Variants in ATP6V1H observed in about 807,000 individuals in gnomAD.
ATP6V1H encodes V-type proton ATPase subunit H.
In ATP6V1H, 39 loss-of-function variants were observed where a neutral mutation model predicts 71.7. The ratio of observed to expected loss-of-function variants is 0.54; its 90% CI spans 0.42 to 0.71. The LOEUF (loss-of-function observed/expected upper bound fraction) is 0.71. ATP6V1H is among the 30% of genes least tolerant of loss of function. ATP6V1H has a pLI of 0.00. For synonymous variants in ATP6V1H, 192 were observed against 199.3 expected, an observed-to-expected ratio of 0.96 and a Z score of 0.31; for missense variants, 509 against 594.9, an observed-to-expected ratio of 0.86 and a Z score of 1.50.
chr8:53,820,739 T>G (rs1202209896), intron 4 of ATP6V1H, among the ~76,000 whole-genome samples: 1 of 149,838 alleles, frequency 6.7e-6, no homozygotes, highest in African/African-American at 2.5e-5. Flanking sequence ...CCCACAACTT[T>G]GGGAGGCCAA....
intron 11 of ATP6V1H, among the ~76,000 whole-genome samples, chr8:53,768,053 T>C (rs1808529788): frequency 6.6e-6 from 1 of 152,202 alleles, no homozygotes; most frequent in African/African-American, 2.4e-5. Context: ...CTTGGACCTG[T>C]ATCCAGAATA....
chr8:53,761,808 C>A (rs1447556028), intron 11 of ATP6V1H, among the ~76,000 whole-genome samples: 1 of 152,156 alleles, frequency 6.6e-6, no homozygotes, highest in East Asian at 1.9e-4. Context: ...AATGCTCCAT[C>A]TGGATGCCTC....
At chr8:53,817,717 T>A (rs778616114) in intron 4 of ATP6V1H, among the ~76,000 whole-genome samples, 187 bp from the exon 5 acceptor site, 44 of 152,020 alleles carry the variant, frequency 2.9e-4, no homozygotes, top group Non-Finnish European at 2.9e-4. Context: ...GATATTTTAC[T>A]AAAAAAATCA....
intron 8 of ATP6V1H, among the ~76,000 whole-genome samples, chr8:53,800,827 C>T (rs1319435117): frequency 4.6e-5 from 7 of 152,134 alleles, no homozygotes; most frequent in African/African-American, 1.7e-4. Context: ...TTAGTTCCGT[C>T]AATTTTTCAC....
At chr8:53,722,751 T>C (rs1299980190) in intron 13 of ATP6V1H, among the ~76,000 whole-genome samples, 2 of 152,188 alleles carry the variant, frequency 1.3e-5, no homozygotes, top group South Asian at 2.1e-4. Flanking sequence ...GAAAATGTGC[T>C]GCAACAGCAG....
chr8:53,833,163 T>C (rs1302496654), intron 2 of ATP6V1H, 77 bp from the exon 3 acceptor site: 2 of 1,152,790 alleles, frequency 1.7e-6, no homozygotes, highest in African/African-American at 3.1e-5. Flanking sequence ...TTTCAGTCCT[T>C]CTCTTCTCTC....
intron 9 of ATP6V1H, among the ~76,000 whole-genome samples, chr8:53,782,027 C>G (rs546757010): frequency 6.6e-6 from 1 of 152,188 alleles, no homozygotes; most frequent in East Asian, 1.9e-4. Flanking sequence ...AATGCAGGAT[C>G]TTTTTTGGTT....
intron 4 of ATP6V1H, 46 bp downstream of exon 4, chr8:53,829,398 C>G: frequency 7.7e-7 from 1 of 1,297,808 alleles, no homozygotes. Flanking sequence ...GTGAGGTATG[C>G]AAAAAAATGA....
intron 13 of ATP6V1H, among the ~76,000 whole-genome samples, chr8:53,721,610 T>C (rs1806619058): frequency 1.3e-5 from 2 of 152,140 alleles, no homozygotes; most frequent in South Asian, 4.1e-4. Context: ...AACTGACATG[T>C]TGTAAGGTTA....
At position 53,743,988 on chromosome 8, in the gene ATP6V1H, T is replaced by C. The variant is rs182522093; in HGVS notation, c.1278-298A>G. On this transcript the variant is annotated intron_variant, in intron 12 of 13. Transcript: ENST00000359530. The stretch of plus-strand genomic sequence containing the variant: ...ACTAGTATTTTAGATCATTGTTTTC[T>C]AAGTGGCTGAGTATTAACGTTTTTA... 3.9e-5 allele frequency among the ~76,000 whole-genome samples: 6 copies of C among 152,330 alleles called. No individual in the cohort carries two copies. The East Asian group carries it at 1.2e-3, about 29-fold the overall frequency.
rs184187279 is a variant in ATP6V1H at position 53,728,877 on chromosome 8, C to T, written c.1392-12853G>A. On this transcript the variant is annotated intron_variant, in intron 13 of 13. Transcript: ENST00000359530. ...CGGTCCTATCTAAGCATGCAACACA[C>T]TGTGCTGTCATTTTCTGTACTTGTT... 2.5e-3 allele frequency among the ~76,000 whole-genome samples: 375 copies of T among 152,350 alleles called. 2 individuals carry two copies. The highest frequency in any genetic ancestry group is 8.6e-3 in the African/African-American group (358 of 41,570).
At chr8:53,725,158 C>A (rs756709559) in intron 13 of ATP6V1H, among the ~76,000 whole-genome samples, 4 of 152,016 alleles carry the variant, frequency 2.6e-5, no homozygotes, top group Non-Finnish European at 5.9e-5. Context: ...AGAGCTCTGC[C>A]CTCATGATCG....
At chr8:53,728,500 T>C (rs1335608705) in intron 13 of ATP6V1H, among the ~76,000 whole-genome samples, 9 of 152,268 alleles carry the variant, frequency 5.9e-5, no homozygotes, top group Non-Finnish European at 1.0e-4. Flanking sequence ...TTTTTAACTT[T>C]TCAAAATATG....
rs771479225 is a variant in ATP6V1H, at chr8:53,843,085, G to C, written c.-87C>G. 6.6e-6 allele frequency: 1 copy of C among 152,524 alleles called. No individual in the cohort carries two copies. Among genetic ancestry groups the C allele is most frequent in the Non-Finnish European group, 1.5e-5 (1 of 68,310 alleles). The allele number at this position is 152,524 out of a possible 1,614,324, so 9.4% of individuals were successfully genotyped here. On this transcript the variant is annotated 5_prime_UTR_variant, in exon 1 of 14. Coordinates refer to ENST00000359530, the MANE Select transcript of ATP6V1H (RefSeq NM_015941.4). ...GCACCCAAAGCCGGCAGGGAGGGTG[G>C]TCCGGGGCGCCGGGGACACAGCCGG...
chr8:53,835,897 C>G (rs1563317783), intron 2 of ATP6V1H, among the ~76,000 whole-genome samples: 2 of 152,116 alleles, frequency 1.3e-5, no homozygotes, highest in Admixed American at 1.3e-4. Context: ...CTTCATTTCT[C>G]ACTACACCCC....
intron 13 of ATP6V1H, among the ~76,000 whole-genome samples, chr8:53,739,774 A>G (rs1186422048): frequency 6.6e-6 from 1 of 152,254 alleles, no homozygotes; most frequent in East Asian, 1.9e-4. Flanking sequence ...GCACTGCACA[A>G]AAGAACAAAG....
intron 4 of ATP6V1H, among the ~76,000 whole-genome samples, chr8:53,823,191 T>C (rs1021127579): frequency 1.3e-5 from 2 of 152,126 alleles, no homozygotes; most frequent in African/African-American, 2.4e-5. Context: ...TAAGAAAGAA[T>C]ACATCTTCTC....
At chr8:53,737,254 G>A (rs908027004) in intron 13 of ATP6V1H, among the ~76,000 whole-genome samples, 7 of 152,108 alleles carry the variant, frequency 4.6e-5, no homozygotes, top group South Asian at 2.1e-4. Flanking sequence ...TGTGTGCTAC[G>A]CCTTTATTTT....
intron 3 of ATP6V1H, among the ~76,000 whole-genome samples, chr8:53,830,976 A>G (rs1291869498): frequency 1.3e-5 from 2 of 152,230 alleles, no homozygotes; most frequent in Admixed American, 1.3e-4. Flanking sequence ...ACTAGATTTC[A>G]TCGCACAACT....
Sources: allele counts gnomAD v4.1 joint callset (sites outside exome capture counted in the v4.1 genomes callset), GRCh38; gene constraint gnomAD v4.1.1; transcripts MANE v1.5; gene names NCBI Gene and HGNC (gene_info 2026-07-23, HGNC 2026-07-21).